The following AUTS2 variants were observed in gnomAD, a reference collection of about 807,000 sequenced individuals.
AUTS2 encodes autism susceptibility gene 2 protein.
In AUTS2, 17 loss-of-function variants were observed where a neutral mutation model predicts 112.4. The observed-to-expected ratio is 0.15, with a 90% CI of 0.10 to 0.23. AUTS2 has a LOEUF of 0.23. Among genes scored for constraint, AUTS2 ranks in the 10% least tolerant of loss-of-function variants. The pLI is 1.00. For synonymous variants in AUTS2, 751 were observed against 702.7 expected (o/e 1.07, Z -1.09); for missense variants, 1,510 against 1,701.6 (o/e 0.89, Z 1.98).
intron 2 of AUTS2, among the ~76,000 whole-genome samples, chr7:70,100,248 G>A (rs1216596064): frequency 6.6e-6 from 1 of 152,020 alleles, no homozygotes; most frequent in Non-Finnish European, 1.5e-5. Context: ...CAAAAATTCT[G>A]GTTTATAACC....
chr7:70,169,481 T>C (rs949217562), intron 4 of AUTS2, among the ~76,000 whole-genome samples: 1 of 152,160 alleles, frequency 6.6e-6, no homozygotes, highest in East Asian at 1.9e-4. Context: ...GACCTCATGA[T>C]CTGCCTGCGT....
chr7:70,108,464 A>G (rs761280410), intron 2 of AUTS2, among the ~76,000 whole-genome samples: 2 of 152,090 alleles, frequency 1.3e-5, no homozygotes, highest in Admixed American at 6.5e-5. Context: ...TGAACCCAAC[A>G]TCATCTAACT....
intron 2 of AUTS2, among the ~76,000 whole-genome samples, chr7:69,900,211 T>C (rs1176493541): frequency 6.6e-6 from 1 of 152,246 alleles, no homozygotes; most frequent in Non-Finnish European, 1.5e-5. Context: ...AAGCTGTTTA[T>C]AGCAGTTTTT....
At chr7:70,318,213 G>A (rs1790090508) in intron 4 of AUTS2, among the ~76,000 whole-genome samples, 1 of 152,018 alleles carries the variant, frequency 6.6e-6, no homozygotes, top group Admixed American at 6.6e-5. Flanking sequence ...GGTTGAGGGG[G>A]ATGCCATAAG....
intron 1 of AUTS2, among the ~76,000 whole-genome samples, chr7:69,747,700 G>C (rs1787552191): frequency 6.6e-6 from 1 of 151,796 alleles, no homozygotes. Flanking sequence ...GTACTGGATT[G>C]GCTCTCCCAC....
chr7:70,283,516 A>G (rs967569356), intron 4 of AUTS2, among the ~76,000 whole-genome samples: 2 of 152,338 alleles, frequency 1.3e-5, no homozygotes, highest in East Asian at 1.9e-4. Flanking sequence ...CTTGGAATCA[A>G]TGAAATACTG....
At chr7:69,776,650 C>T (rs1318833552) in intron 1 of AUTS2, among the ~76,000 whole-genome samples, 1 of 152,124 alleles carries the variant, frequency 6.6e-6, no homozygotes, top group South Asian at 2.1e-4. Context: ...AACTCCTGGC[C>T]TCAAGTAGTC....
At chr7:70,280,224 A>G (rs1788141975) in intron 4 of AUTS2, among the ~76,000 whole-genome samples, 1 of 151,860 alleles carries the variant, frequency 6.6e-6, no homozygotes, top group African/African-American at 2.4e-5. Flanking sequence ...TTCATGAGCC[A>G]GAGTGTTCAC....
chr7:70,383,494 C>A (rs1188050515), intron 4 of AUTS2, among the ~76,000 whole-genome samples: 1 of 152,202 alleles, frequency 6.6e-6, no homozygotes, highest in East Asian at 1.9e-4. Context: ...CTGCAGAGAG[C>A]TTATTCACTT....
chr7:70,637,151 T>C (rs2129539456), intron 5 of AUTS2, among the ~76,000 whole-genome samples: 1 of 152,342 alleles, frequency 6.6e-6, no homozygotes, highest in Admixed American at 6.5e-5. Flanking sequence ...CCTGATTCCA[T>C]GTTGGCCTTG....
At chr7:70,274,878 A>G (rs1410325505) in intron 4 of AUTS2, among the ~76,000 whole-genome samples, 2 of 152,248 alleles carry the variant, frequency 1.3e-5, no homozygotes, top group African/African-American at 4.8e-5. Flanking sequence ...ATGATTCAGC[A>G]GTCACACTTC....
intron 5 of AUTS2, among the ~76,000 whole-genome samples, chr7:70,485,548 A>G (rs1182097954): frequency 3.3e-5 from 5 of 152,180 alleles, no homozygotes; most frequent in South Asian, 2.1e-4. Context: ...GGCTGCACCA[A>G]AATCTCAGAA....
intron 2 of AUTS2, among the ~76,000 whole-genome samples, chr7:69,978,661 A>G (rs1448629341): frequency 6.6e-6 from 1 of 152,142 alleles, no homozygotes; most frequent in Non-Finnish European, 1.5e-5. Flanking sequence ...CAACATGGTG[A>G]AACCCTGTCT....
chr7:69,923,539 C>T (rs1289387489), intron 2 of AUTS2, among the ~76,000 whole-genome samples: 1 of 152,150 alleles, frequency 6.6e-6, no homozygotes, highest in Admixed American at 6.5e-5. Context: ...ATCGTGTGAT[C>T]AATTTGGGGA....
At chr7:69,791,555 A>G (rs796929568) in intron 1 of AUTS2, among the ~76,000 whole-genome samples, 2 of 152,306 alleles carry the variant, frequency 1.3e-5, no homozygotes, top group African/African-American at 4.8e-5. Context: ...AAATGTGGGA[A>G]TTGCTTTCTC....
intron 5 of AUTS2, among the ~76,000 whole-genome samples, chr7:70,678,329 A>G (rs1808031948): frequency 6.6e-6 from 1 of 152,202 alleles, no homozygotes. Context: ...ACAATACACA[A>G]ACTGTTGGAT....
At chr7:70,626,358 T>A (rs1284786760) in intron 5 of AUTS2, among the ~76,000 whole-genome samples, 3 of 113,360 alleles carry the variant, frequency 2.6e-5, no homozygotes, top group South Asian at 3.5e-4. Flanking sequence ...ACCTTGTTTC[T>A]AAAAAAAAAA....
At chr7:70,487,096 G>C (rs945670495) in intron 5 of AUTS2, among the ~76,000 whole-genome samples, 1 of 152,094 alleles carries the variant, frequency 6.6e-6, no homozygotes, top group Admixed American at 6.5e-5. Flanking sequence ...TGGTATGATA[G>C]GAGCGTTACT....
chr7:70,123,457 A>G (rs1263553632), intron 3 of AUTS2, among the ~76,000 whole-genome samples: 4 of 152,066 alleles, frequency 2.6e-5, no homozygotes, highest in African/African-American at 7.2e-5. Context: ...TTCATCACCC[A>G]GTAGTACCCA....
Sources: gnomAD v4.1 joint callset for allele counts (sites outside exome capture counted in the v4.1 genomes callset) on GRCh38, gnomAD v4.1.1 for gene constraint, MANE v1.5 for transcripts, NCBI Gene and HGNC (gene_info 2026-07-23, HGNC 2026-07-21) for gene names.